SLC26A8: variants seen among roughly 807,000 people sequenced by gnomAD.
SLC26A8 encodes solute carrier family 26 member 8, also known as testis anion transporter 1.
A neutral mutation model predicts 105.0 loss-of-function variants in SLC26A8; 70 were observed. That is an observed-to-expected ratio of 0.67 (90% CI 0.55 to 0.81). SLC26A8 has a LOEUF of 0.81. Among genes scored for constraint, SLC26A8 ranks in the 40% least tolerant of loss-of-function variants. SLC26A8 has a pLI of 0.00. For synonymous variants in SLC26A8, 415 were observed against 438.3 expected (o/e 0.95, Z 0.66); for missense variants, 998 against 1,181.8 (o/e 0.84, Z 2.28).
intron 5 of SLC26A8, among the ~76,000 whole-genome samples, chr6:35,994,780 T>C (rs918259290): frequency 2.0e-5 from 3 of 152,144 alleles, no homozygotes; most frequent in African/African-American, 7.2e-5. Context: ...TTTCGCCAAG[T>C]TGGCCAGGCT....
Position 35,992,573 on chromosome 6 carries a change from G to T in SLC26A8, c.729C>A (p.Ser243=). 6.2e-7 allele frequency: 1 copy of T among 1,614,082 alleles called. No homozygotes were observed. Among genetic ancestry groups the T allele is most frequent in the Non-Finnish European group, 8.5e-7 (1 of 1,179,996 alleles). ...TAATCCCAAAGATGAAAGTCAGCTG[G>T]GACAGCATGATATGAAGTGCCACAG... is the stretch of plus-strand genomic sequence containing the variant. ...LAAVALHIML[S]QLTFIFGIMI... Residue 243 remains serine, a synonymous_variant, in exon 6 of 20, where the codon TCC becomes TCA. Transcript: ENST00000490799.
chr6:35,989,806 T>A (rs1341640188), intron 7 of SLC26A8: 1 of 152,230 alleles, frequency 6.6e-6, no homozygotes, highest in Non-Finnish European at 1.5e-5. Flanking sequence ...TAGGAAGGAC[T>A]GGTCTTGACT....
intron 7 of SLC26A8, among the ~76,000 whole-genome samples, chr6:35,985,692 CAAAAAAAAAAAAA>C (rs58199602): frequency 1.7e-4 from 8 of 46,920 alleles, no homozygotes; most frequent in African/African-American, 7.2e-4. Context: ...GACTCCGTCT[CAAAAAAAAAAAAA>C]AAAAAAAAAA....
At chr6:35,990,785 C>T (rs1761120774) in intron 7 of SLC26A8, among the ~76,000 whole-genome samples, 1 of 152,100 alleles carries the variant, frequency 6.6e-6, no homozygotes, top group Non-Finnish European at 1.5e-5. Context: ...ACTAAAGTAT[C>T]AATAGTAGTT....
rs56146863 is a variant in SLC26A8, at chr6:35,956,428, CAAAAA to C, written c.1864-913_1864-909del. On this transcript the variant is annotated intron_variant, in intron 16 of 19. Transcript: ENST00000490799. ...GAGCAACAGAGCAAGACCTTATGTC[CAAAAA>C]AAAAAAAAAAAAAAAAATTACATGA... 9.9e-4 allele frequency among the ~76,000 whole-genome samples: 105 copies of C among 105,846 alleles called. 1 individual carries two copies. The highest frequency in any genetic ancestry group is 3.5e-3 in the African/African-American group (96 of 27,708). 69.4% of individuals were successfully genotyped at this position (105,846 alleles called of 152,430 possible).
At chr6:35,977,872 G>A (rs557327169) in intron 8 of SLC26A8, among the ~76,000 whole-genome samples, 1 of 152,150 alleles carries the variant, frequency 6.6e-6, no homozygotes, top group Admixed American at 6.5e-5. Flanking sequence ...ACCACTTGAG[G>A]TCAGGAGTTC....
At chr6:35,953,013 CA>C (rs11364963) in intron 17 of SLC26A8, among the ~76,000 whole-genome samples, 12,189 of 63,646 alleles carry the variant, frequency 0.19, 279 homozygotes, top group Middle Eastern at 0.24. Flanking sequence ...GATGCTGTCT[CA>C]AAAAAAAAAA....
intron 1 of SLC26A8, among the ~76,000 whole-genome samples, chr6:36,022,946 C>T (rs1762161818): frequency 6.7e-6 from 1 of 150,124 alleles, no homozygotes; most frequent in African/African-American, 2.4e-5. Context: ...AAGAAGCTGT[C>T]CAGACTGCTG....
intron 1 of SLC26A8, among the ~76,000 whole-genome samples, chr6:36,023,788 G>C (rs996342507): frequency 6.6e-6 from 1 of 152,044 alleles, no homozygotes; most frequent in Non-Finnish European, 1.5e-5. Context: ...TACTACCTAG[G>C]TTTTTATGGA....
chr6:36,012,088 G>T, intron 3 of SLC26A8, 145 bp downstream of exon 3: 2 of 1,148,960 alleles, frequency 1.7e-6, no homozygotes, highest in Non-Finnish European at 1.2e-6. Context: ...TAGAAATCTG[G>T]CAGATAAGGG....
intron 4 of SLC26A8, 104 bp downstream of exon 4, chr6:35,999,888 C>G (rs537582200): frequency 2.7e-6 from 2 of 737,990 alleles, no homozygotes; most frequent in South Asian, 3.7e-5. Flanking sequence ...CCTCCTGCCT[C>G]CTTTCTTTCT....
intron 5 of SLC26A8, among the ~76,000 whole-genome samples, chr6:35,993,890 G>C (rs1407426038): frequency 6.6e-6 from 1 of 151,776 alleles, no homozygotes; most frequent in Non-Finnish European, 1.5e-5. Flanking sequence ...ACAAAAAGAG[G>C]GTAGGTTAAG....
chr6:35,986,573 T>C (rs533765147), intron 7 of SLC26A8, among the ~76,000 whole-genome samples: 1 of 152,342 alleles, frequency 6.6e-6, no homozygotes, highest in African/African-American at 2.4e-5. Flanking sequence ...CCTTTTTAGA[T>C]TCCACATATC....
intron 5 of SLC26A8, 143 bp from the exon 6 acceptor site, chr6:35,992,817 A>G (rs773187994): frequency 2.5e-6 from 2 of 814,812 alleles, no homozygotes; most frequent in East Asian, 2.8e-5. Flanking sequence ...TCTTTCCCTA[A>G]TGAACAGAAG....
intron 19 of SLC26A8, among the ~76,000 whole-genome samples, chr6:35,946,387 CCACCA>C (rs1771657697): frequency 6.6e-6 from 1 of 152,144 alleles, no homozygotes; most frequent in South Asian, 2.1e-4. Context: ...CAGGCATGCG[CCACCA>C]CACCCGACTA....
chr6:35,951,256 C>T lies in SLC26A8; in HGVS notation c.2379G>A (p.Leu793=). 6.2e-7 allele frequency: 1 copy of T among 1,614,134 alleles called. No individual in the cohort carries two copies. Among genetic ancestry groups the T allele is most frequent in the Non-Finnish European group, 8.5e-7 (1 of 1,180,030 alleles). ...CTATGACCTTCCTTGACAAGGCAAA[C>T]AGCACGGCGTCGTGAACGCTGAGGA... ...QLFLSVHDAV[L]FALSRKVIGS... Residue 793 remains leucine, a synonymous_variant, in exon 19 of 20, where the codon CTG becomes CTA. Transcript: ENST00000490799.
chr6:35,958,511 C>T (rs902301463), intron 16 of SLC26A8, among the ~76,000 whole-genome samples: 1 of 150,672 alleles, frequency 6.6e-6, no homozygotes, highest in African/African-American at 2.4e-5. Context: ...AAAAACAAGC[C>T]AGGTATGGTG....
intron 7 of SLC26A8, among the ~76,000 whole-genome samples, chr6:35,983,907 C>A: frequency 6.6e-6 from 1 of 152,150 alleles, no homozygotes; most frequent in South Asian, 2.1e-4. Context: ...TCCTCCAGCA[C>A]ATCTAAACAT....
intron 7 of SLC26A8, among the ~76,000 whole-genome samples, chr6:35,983,818 G>C (rs946931101): frequency 6.6e-6 from 1 of 151,986 alleles, no homozygotes; most frequent in Admixed American, 6.5e-5. Flanking sequence ...GCCTCCCAAA[G>C]TGCTGGGATT....
Sources: allele counts gnomAD v4.1 joint callset (sites outside exome capture counted in the v4.1 genomes callset), GRCh38; gene constraint gnomAD v4.1.1; transcripts MANE v1.5; gene names NCBI Gene and HGNC (gene_info 2026-07-23, HGNC 2026-07-21).